Variants in SYCP2L observed in about 807,000 individuals in gnomAD.
The protein encoded by SYCP2L is synaptonemal complex protein 2 like.
In SYCP2L, 98 loss-of-function variants were observed where a neutral mutation model predicts 125.8. The ratio of observed to expected loss-of-function variants is 0.78; its 90% CI spans 0.66 to 0.92. SYCP2L has a LOEUF of 0.92. Among genes scored for constraint, SYCP2L ranks in the 40% least tolerant of loss-of-function variants. The pLI, the probability that SYCP2L is intolerant of heterozygous loss-of-function variation, is 0.00. For missense variants in SYCP2L, 842 were observed against 936.4 expected, an observed-to-expected ratio of 0.90 and a Z score of 1.32; for synonymous variants, 317 against 325.4, an observed-to-expected ratio of 0.97 and a Z score of 0.28.
intron 26 of SYCP2L, 72 bp downstream of exon 26, chr6:10,958,947 T>C: frequency 7.5e-7 from 1 of 1,328,136 alleles, no homozygotes; most frequent in Non-Finnish European, 1.1e-6. Flanking sequence ...TCATGACCAC[T>C]GTGCTAGGGC....
chr6:10,927,644 A>G (rs572858644), intron 17 of SYCP2L, among the ~76,000 whole-genome samples: 1 of 152,330 alleles, frequency 6.6e-6, no homozygotes, highest in East Asian at 1.9e-4. Flanking sequence ...TCACAGGACC[A>G]CAGGACCGGG....
At chr6:10,952,711 C>T (rs148489328) in intron 23 of SYCP2L, among the ~76,000 whole-genome samples, 124 of 152,188 alleles carry the variant, frequency 8.1e-4, no homozygotes, top group African/African-American at 2.7e-3. Flanking sequence ...GCCCTGACTG[C>T]GGTATAGACA....
intron 21 of SYCP2L, among the ~76,000 whole-genome samples, chr6:10,938,591 C>A (rs1385542583): frequency 1.3e-5 from 2 of 152,090 alleles, no homozygotes; most frequent in African/African-American, 4.8e-5. Flanking sequence ...TAAAAGACAT[C>A]CAAATAGGAA....
At chr6:10,910,015 C>T (rs1780577417) in intron 10 of SYCP2L, 133 bp from the exon 11 acceptor site, 1 of 648,412 alleles carries the variant, frequency 1.5e-6, no homozygotes, top group African/African-American at 1.8e-5. Context: ...AATAACAAAT[C>T]CTTGTAAAGC....
At position 10,894,108 on chromosome 6, in the gene SYCP2L, G is replaced by A; in HGVS notation, c.240G>A (p.Gln80=). Residue 80 remains glutamine, a synonymous_variant, in exon 4 of 30, where the codon CAG becomes CAA. Transcript: ENST00000283141. ...INKELDKNEF[Q]SVSLLLKCIQ... ...AGGAACTAGATAAAAATGAATTTCAGTCTGTGTCACTGTTGCTGAAATGTA... is the reference window on the plus strand; with the variant it reads ...AGGAACTAGATAAAAATGAATTTCAATCTGTGTCACTGTTGCTGAAATGTA... The A allele has an allele frequency of 6.2e-7, 1 of 1,612,538 alleles. No homozygotes were observed. Among genetic ancestry groups the A allele is most frequent in the Non-Finnish European group, 8.5e-7 (1 of 1,179,684 alleles).
chr6:10,901,082 GT>G (rs1159493592), intron 6 of SYCP2L, among the ~76,000 whole-genome samples: 3 of 152,066 alleles, frequency 2.0e-5, no homozygotes, highest in African/African-American at 7.2e-5. Flanking sequence ...TGATTCTTTT[GT>G]TTGTGTTCTG....
intron 23 of SYCP2L, among the ~76,000 whole-genome samples, chr6:10,950,210 G>T (rs1249109344): frequency 5.4e-5 from 7 of 130,126 alleles, no homozygotes; most frequent in Non-Finnish European, 1.3e-4. Context: ...CATGGTCAGA[G>T]AAACACAGTC....
chr6:10,957,780 G>A (rs7744622), intron 25 of SYCP2L, among the ~76,000 whole-genome samples: 46,250 of 152,038 alleles, frequency 0.3, 7,622 homozygotes, highest in African/African-American at 0.43. Context: ...TCATGCCGCT[G>A]TGCTCCAGCC....
intron 11 of SYCP2L, 93 bp from the exon 12 acceptor site, chr6:10,910,731 A>G (rs2113319075): frequency 1.5e-6 from 2 of 1,328,664 alleles, no homozygotes; most frequent in South Asian, 1.2e-5. Flanking sequence ...ACTTAATGGC[A>G]TACTCTAGTT....
intron 29 of SYCP2L, among the ~76,000 whole-genome samples, chr6:10,972,047 G>T (rs923303951): frequency 7.9e-5 from 12 of 152,068 alleles, no homozygotes; most frequent in Non-Finnish European, 1.2e-4. Flanking sequence ...ATAAAAATAG[G>T]ACTCGCCTCT....
chr6:10,934,314 T>C (rs1377603580), intron 20 of SYCP2L, among the ~76,000 whole-genome samples: 6 of 152,242 alleles, frequency 3.9e-5, no homozygotes, highest in African/African-American at 1.4e-4. Context: ...TAAAAATAAT[T>C]CAAAGAGTCA....
chr6:10,943,992 A>T (rs563182845), intron 23 of SYCP2L, among the ~76,000 whole-genome samples: 94 of 152,320 alleles, frequency 6.2e-4, no homozygotes, highest in African/African-American at 2.0e-3. Context: ...GGTTGTTAGA[A>T]ATAATGCCAC....
At chr6:10,937,870 A>G (rs1267947150) in intron 21 of SYCP2L, among the ~76,000 whole-genome samples, 1 of 152,218 alleles carries the variant, frequency 6.6e-6, no homozygotes, top group Non-Finnish European at 1.5e-5. Flanking sequence ...ATATAAAGAA[A>G]TAGAAAAGCT....
intron 8 of SYCP2L, among the ~76,000 whole-genome samples, chr6:10,904,893 TG>T (rs1224865469): frequency 2.6e-5 from 4 of 152,028 alleles, no homozygotes; most frequent in Non-Finnish European, 4.4e-5. Flanking sequence ...CCCAGCACTT[TG>T]GGAGGCTGAG....
At chr6:10,928,956 ATC>A (rs966100516) in intron 18 of SYCP2L, among the ~76,000 whole-genome samples, 2 of 150,996 alleles carry the variant, frequency 1.3e-5, no homozygotes, top group African/African-American at 4.9e-5. Flanking sequence ...TAATGGCACA[ATC>A]TTGGCTCACT....
intron 29 of SYCP2L, among the ~76,000 whole-genome samples, chr6:10,970,285 T>C (rs953098221): frequency 3.3e-5 from 5 of 152,136 alleles, no homozygotes; most frequent in African/African-American, 1.2e-4. Context: ...ATATACTTAG[T>C]ATATTCTAAG....
In SYCP2L at chr6:10,912,640, G is replaced by T; in HGVS notation, c.919-33G>T. Reference sequence around the variant, plus strand: ...TCTGACCCTATAGCATGATTTTTATGTGTATAAGTCATGCTGAAATGATCT... The same window carrying T: ...TCTGACCCTATAGCATGATTTTTATTTGTATAAGTCATGCTGAAATGATCT... On this transcript the variant is annotated intron_variant, in intron 12 of 29. Transcript: ENST00000283141. The surrounding 1 kb of genome is among the most constrained non-coding windows in gnomAD (Gnocchi z 4.1). The T allele has an allele frequency of 6.9e-7, 1 of 1,452,064 alleles. No individual in the cohort carries two copies. The highest frequency in any genetic ancestry group is 9.6e-7 in the Non-Finnish European group (1 of 1,039,064). 89.9% of individuals were successfully genotyped at this position (1,452,064 alleles called of 1,614,324 possible).
At chr6:10,897,764 C>T (rs548460628) in intron 4 of SYCP2L, among the ~76,000 whole-genome samples, 5 of 152,236 alleles carry the variant, frequency 3.3e-5, no homozygotes, top group South Asian at 2.1e-4. Flanking sequence ...ATTTCTGACA[C>T]GGATCCTGGC....
intron 21 of SYCP2L, among the ~76,000 whole-genome samples, chr6:10,937,655 T>A (rs1196561927): frequency 6.6e-6 from 1 of 151,868 alleles, no homozygotes; most frequent in Non-Finnish European, 1.5e-5. Flanking sequence ...TTGGAAAGAA[T>A]GAAATTGACA....
Sources: allele counts gnomAD v4.1 joint callset (sites outside exome capture counted in the v4.1 genomes callset), GRCh38; gene constraint gnomAD v4.1.1; non-coding constraint Gnocchi (gnomAD v3.1); transcripts MANE v1.5; gene names NCBI Gene and HGNC (gene_info 2026-07-23, HGNC 2026-07-21).